Variants in PNMA5 observed in about 807,000 individuals in gnomAD.
PNMA5 encodes the protein PNMA family member 5.
For synonymous variants in PNMA5, 138 were observed against 137.9 expected (o/e 1.00, Z 0.00); for missense variants, 334 against 356.6 (o/e 0.94, Z 0.51).
At position 152,990,476 on chromosome X, in the gene PNMA5, T is replaced by C. The variant is rs782419797; in HGVS notation, c.1123A>G (p.Ser375Gly). The change falls in exon 4 of 4, where the codon AGC (serine) becomes GGC (glycine). Residue 375 changes from serine to glycine, a missense_variant. By Grantham distance (56) the Ser-to-Gly change is moderately conservative. Coordinates refer to ENST00000535214, the MANE Select transcript of PNMA5 (RefSeq NM_001184924.2). ...TGTATGGTCTGGGGGCTGCTGTCGCTAAAAGACCTTGCCTGCACGGTGGCC... is the reference window on the plus strand; with the variant it reads ...TGTATGGTCTGGGGGCTGCTGTCGCCAAAAGACCTTGCCTGCACGGTGGCC... ...PQATVQARSF[S>G]DSSPQTIQGG... is the part of the protein sequence containing the mutation. 1.7e-6 allele frequency: 2 copies of C among 1,175,783 alleles called. No individual in the cohort carries two copies. The highest frequency in any genetic ancestry group is 2.3e-6 in the Non-Finnish European group (2 of 880,403).
In PNMA5 at chrX:152,990,045, T is replaced by A. The variant is rs140457937; in HGVS notation, c.*207A>T. On this transcript the variant is annotated 3_prime_UTR_variant, in exon 4 of 4. Coordinates refer to ENST00000535214, the MANE Select transcript of PNMA5 (RefSeq NM_001184924.2). ...TGTCTCCTGTACCTGTTAGGGGCTA[T>A]GGGCCCGGCCCCCACTGAACCAGAT... 1,422 of 610,609 alleles carry A rather than the reference T, an allele frequency of 2.3e-3. 10 individuals carry two copies. The African/African-American group carries it at 0.031, about 13-fold the overall frequency. The allele number at this position is 610,609 out of a possible 1,213,427, so 50.3% of individuals were successfully genotyped here.
chrX:152,993,786 C>A (rs190626744), intron 1 of PNMA5, among the ~76,000 whole-genome samples: 1,772 of 112,517 alleles, frequency 0.016, 43 homozygotes, highest in African/African-American at 0.053. Flanking sequence ...CTCAGGTGAT[C>A]CACCCGCCTC....
At position 152,991,290 on chromosome X, in the gene PNMA5, G is replaced by A. The variant is rs1160049903; in HGVS notation, c.309C>T (p.Leu103=). 8.3e-7 allele frequency: 1 copy of A among 1,207,879 alleles called. No individual in the cohort carries two copies. The highest frequency in any genetic ancestry group is 3.0e-5 in the East Asian group (1 of 33,765). The change falls in exon 4 of 4, where the codon CTC becomes CTT. Residue 103 remains leucine (L), a synonymous_variant. Coordinates refer to ENST00000535214, the MANE Select transcript of PNMA5 (RefSeq NM_001184924.2). ...VKPRNPDDEF[L]SRLNYFLKDE... is the part of the protein sequence containing the mutation. ...CTTTCAGGAAGTAGTTCAGTCTACTGAGAAACTCATCATCTGGGTTACGGG... is the reference window on the plus strand; with the variant it reads ...CTTTCAGGAAGTAGTTCAGTCTACTAAGAAACTCATCATCTGGGTTACGGG...
chrX:152,991,257 G>A lies in PNMA5; in HGVS notation c.342C>T (p.Gly114=), dbSNP rs1307972447. Residue 114 remains glycine (G), a synonymous_variant, in exon 4 of 4, where the codon GGC becomes GGT. Transcript: ENST00000535214. ...CTCTGGCCACATCTGTCATACTTCG[G>A]CCCTCATCTTTCAGGAAGTAGTTCA... is the stretch of plus-strand genomic sequence containing the variant. ...SRLNYFLKDE[G]RSMTDVARAL... The A allele has an allele frequency of 8.3e-7, 1 of 1,201,381 alleles. No individual in the cohort carries two copies. Among genetic ancestry groups the A allele is most frequent in the Non-Finnish European group, 1.1e-6 (1 of 891,291 alleles).
intron 2 of PNMA5, 66 bp downstream of exon 2, chrX:152,992,591 C>T (rs991079041): frequency 3.6e-5 from 4 of 111,842 alleles, no homozygotes. Flanking sequence ...CAGGCAGTCC[C>T]CTCTCCCCAC....
chrX:152,990,095 T>C lies in PNMA5; in HGVS notation c.*157A>G. On this transcript the variant is annotated 3_prime_UTR_variant, in exon 4 of 4. Coordinates refer to ENST00000535214, the MANE Select transcript of PNMA5 (RefSeq NM_001184924.2). ...TGCTATTTGGTCTTGGTTGGTGAAG[T>C]CCCTTCCAGCTGGTGGAAAGTAAGG... 1.1e-6 allele frequency: 1 copy of C among 951,981 alleles called. No individual in the cohort carries two copies. Among genetic ancestry groups the C allele is most frequent in the East Asian group, 3.7e-5 (1 of 27,190 alleles). The allele number at this position is 951,981 out of a possible 1,213,427, so 78.5% of individuals were successfully genotyped here. A position where few individuals can be genotyped will look rare whatever the true frequency, so the allele number is the denominator to read the frequency against.
In PNMA5 at chrX:152,990,411, T is replaced by C; in HGVS notation, c.1188A>G (p.Leu396=). The change falls in exon 4 of 4, where the codon TTA becomes TTG. Residue 396 remains leucine, a synonymous_variant. Coordinates refer to ENST00000535214, the MANE Select transcript of PNMA5 (RefSeq NM_001184924.2). ...CTTCTCCCCTAGTGCTTTCACTGCCTAACAGCCGCCTGCGTTTCACTAATG... is the reference window on the plus strand; with the variant it reads ...CTTCTCCCCTAGTGCTTTCACTGCCCAACAGCCGCCTGCGTTTCACTAATG... The part of the protein sequence containing the change: ...LPPLVKRRRL[L]GSESTRGEDH... The C allele has an allele frequency of 8.6e-7, 1 of 1,168,249 alleles. No individual in the cohort carries two copies. Among genetic ancestry groups the C allele is most frequent in the South Asian group, 2.0e-5 (1 of 49,229 alleles).
chrX:152,991,439 T>C lies in PNMA5; in HGVS notation c.160A>G (p.Arg54Gly), dbSNP rs782176702. The change falls in exon 4 of 4, where the codon AGA (arginine) becomes GGA (glycine). Residue 54 changes from arginine to glycine, a missense_variant. By Grantham distance (125) the Arg-to-Gly change is moderately radical. Transcript: ENST00000535214. The stretch of plus-strand genomic sequence containing the variant: ...GCATTGTCTTCCCTCCTGAACATTC[T>C]CCCTAGGACCCTGTATGCGCACAGG... ...QPLCAYRVLGRMFRREDNAKA... is the reference protein window; with the variant it reads ...QPLCAYRVLGGMFRREDNAKA... 8.3e-6 allele frequency: 10 copies of C among 1,198,165 alleles called. No individual in the cohort carries two copies. Among genetic ancestry groups the C allele is most frequent in the Non-Finnish European group, 3.4e-6 (3 of 889,314 alleles).
Position 152,990,707 on chromosome X carries a change from T to C in PNMA5, c.892A>G (p.Met298Val), listed in dbSNP as rs782707164. The change falls in exon 4 of 4, where the codon ATG (methionine) becomes GTG (valine). Residue 298 changes from methionine (M) to valine (V), a missense_variant. By Grantham distance (21) the Met-to-Val change is conservative. Coordinates refer to ENST00000535214, the MANE Select transcript of PNMA5 (RefSeq NM_001184924.2). Reference protein sequence around the residue: ...RLKHLLARVAMTPALRGKLEL... With the variant: ...RLKHLLARVAVTPALRGKLEL... ...AGCTTGCCCCTGAGGGCGGGGGTCA[T>C]GGCGACCCGAGCTAAGAGATGTTTC... 3 of 1,198,368 alleles carry C rather than the reference T, an allele frequency of 2.5e-6. No homozygotes were observed. In the South Asian group the frequency reaches 5.5e-5, roughly 22 times the overall value.
chrX:152,991,793 C>T (rs1316888212), intron 3 of PNMA5, 72 bp from the exon 4 acceptor site: 5 of 469,820 alleles, frequency 1.1e-5, no homozygotes, highest in Non-Finnish European at 3.1e-6. Flanking sequence ...CCCTCCTCTG[C>T]CCCCACCCCC....
At position 152,989,232 on chromosome X, in the gene PNMA5, C is replaced by T. The variant is rs976293665; in HGVS notation, c.*1020G>A. On this transcript the variant is annotated 3_prime_UTR_variant, in exon 4 of 4. Transcript: ENST00000535214. ...GGAGCCTCAGGCAGCCCTGCTCCTT[C>T]CCGTGTCTGGTTGGTCCTCCTGCAG... is the stretch of plus-strand genomic sequence containing the variant. The T allele has an allele frequency of 6.2e-5, 7 of 112,944 alleles. No homozygotes were observed. The highest frequency in any genetic ancestry group is 9.5e-5 in the Non-Finnish European group (5 of 52,792). 9.3% of individuals were successfully genotyped at this position (112,944 alleles called of 1,213,427 possible).
rs1556924175 is a variant in PNMA5 at position 152,990,410 on chromosome X, C to T, written c.1189G>A (p.Gly397Ser). The change falls in exon 4 of 4, where the codon GGC (glycine) becomes AGC (serine). Residue 397 changes from glycine (G) to serine (S), a missense_variant. Coordinates refer to ENST00000535214, the MANE Select transcript of PNMA5 (RefSeq NM_001184924.2). ...PPLVKRRRLL[G>S]SESTRGEDHG... ...TCTTCTCCCCTAGTGCTTTCACTGCCTAACAGCCGCCTGCGTTTCACTAAT... is the reference window on the plus strand; with the variant it reads ...TCTTCTCCCCTAGTGCTTTCACTGCTTAACAGCCGCCTGCGTTTCACTAAT... The T allele has an allele frequency of 1.7e-6, 2 of 1,168,025 alleles. No individual in the cohort carries two copies. The highest frequency in any genetic ancestry group is 2.3e-6 in the Non-Finnish European group (2 of 877,931).
chrX:152,989,667 C>A lies in PNMA5; in HGVS notation c.*585G>T. 1 of 121,180 alleles carries A rather than the reference C, an allele frequency of 8.3e-6. No homozygotes were observed. 10.0% of individuals were successfully genotyped at this position (121,180 alleles called of 1,213,427 possible). A position where few individuals can be genotyped will look rare whatever the true frequency, so the allele number is the denominator to read the frequency against. On this transcript the variant is annotated 3_prime_UTR_variant, in exon 4 of 4. Coordinates refer to ENST00000535214, the MANE Select transcript of PNMA5 (RefSeq NM_001184924.2). ...CTCCTCTTTCTCTTCCTCACTGGTG[C>A]AGGGGCTTATGAATGCTGCCTTCCT...
rs781868637 is a variant in PNMA5, at chrX:152,991,157, C to G, written c.442G>C (p.Glu148Gln). The G allele has an allele frequency of 8.3e-7, 1 of 1,206,582 alleles. No individual in the cohort carries two copies. Among genetic ancestry groups the G allele is most frequent in the Admixed American group, 2.2e-5 (1 of 45,368 alleles). Residue 148 changes from glutamate (E) to glutamine (Q), a missense_variant, in exon 4 of 4, where the codon GAG (glutamate) becomes CAG (glutamine). Physicochemically the swap from Glu to Gln is conservative, Grantham distance 29. Transcript: ENST00000535214. ...TACCACATACTTTCTTTCGGAGGCT[C>G]TAAAGGTGGGGATCTAACTTGGGGC... Reference protein sequence around the residue: ...VMPQVRSPPLEPPKESMWYRK... With the variant: ...VMPQVRSPPLQPPKESMWYRK...
chrX:152,993,312 C>A (rs2126031064), intron 1 of PNMA5, among the ~76,000 whole-genome samples: 1 of 108,216 alleles, frequency 9.2e-6, no homozygotes, highest in South Asian at 4.2e-4. Context: ...AAGTCCAACT[C>A]CTACCCCGAG....
At chrX:152,992,032 C>A in intron 2 of PNMA5, 55 bp from the exon 3 acceptor site, 1 of 121,972 alleles carries the variant, frequency 8.2e-6, no homozygotes, top group Non-Finnish European at 1.7e-5. Flanking sequence ...GGGACACTGA[C>A]GAGCCCTCCA....
Position 152,991,678 on chromosome X carries a change from A to ACTG in PNMA5, c.-83_-81dup. The stretch of plus-strand genomic sequence containing the variant: ...GACAGCACTCAAATAACTCTGAGCC[A>ACTG]CTGCCACGTAGGAAGGCAGAAGTGG... On this transcript the variant is annotated 5_prime_UTR_variant, in exon 4 of 4. Coordinates refer to ENST00000535214, the MANE Select transcript of PNMA5 (RefSeq NM_001184924.2). The ACTG allele has an allele frequency of 2.8e-6, 3 of 1,081,542 alleles. No individual in the cohort carries two copies. Among genetic ancestry groups the ACTG allele is most frequent in the Middle Eastern group, 5.2e-4 (2 of 3,840 alleles). 89.1% of individuals were successfully genotyped at this position (1,081,542 alleles called of 1,213,427 possible).
rs2050892524 is a variant in PNMA5, at chrX:152,990,527, C to T, written c.1072G>A (p.Ala358Thr). ...TGAGGTGCAGAGACACTGGCTTCTG[C>T]TCTTGCCTGTCTACCGGAGGCCCCC... ...GRGASGRQAR[A>T]EASVSAPQAT... The change falls in exon 4 of 4, where the codon GCA (alanine) becomes ACA (threonine). Residue 358 changes from alanine to threonine, a missense_variant. By Grantham distance (58) the Ala-to-Thr change is moderately conservative. Coordinates refer to ENST00000535214, the MANE Select transcript of PNMA5 (RefSeq NM_001184924.2). The T allele has an allele frequency of 1.7e-6, 2 of 1,203,450 alleles. No individual in the cohort carries two copies. The highest frequency in any genetic ancestry group is 2.2e-6 in the Non-Finnish European group (2 of 892,219).
In PNMA5 at chrX:152,990,492, C is replaced by A. The variant is rs781952376; in HGVS notation, c.1107G>T (p.Val369=). ...EASVSAPQAT[V]QARSFSDSSP... ...TGCTGTCGCTAAAAGACCTTGCCTG[C>A]ACGGTGGCCTGAGGTGCAGAGACAC... The change falls in exon 4 of 4, where the codon GTG becomes GTT. Residue 369 remains valine, a synonymous_variant. Coordinates refer to ENST00000535214, the MANE Select transcript of PNMA5 (RefSeq NM_001184924.2). 3.4e-6 allele frequency: 4 copies of A among 1,189,035 alleles called. No individual in the cohort carries two copies. Among genetic ancestry groups the A allele is most frequent in the Non-Finnish European group, 3.4e-6 (3 of 886,070 alleles).
Sources: allele counts gnomAD v4.1 joint callset (sites outside exome capture counted in the v4.1 genomes callset), GRCh38; gene constraint gnomAD v4.1.1; transcripts MANE v1.5; gene names NCBI Gene and HGNC (gene_info 2026-07-23, HGNC 2026-07-21).